FOXO3: variants seen among roughly 807,000 people sequenced by gnomAD.
FOXO3 encodes forkhead box protein O3.
A neutral mutation model predicts 41.9 loss-of-function variants in FOXO3; 4 were observed. The ratio of observed to expected loss-of-function variants is 0.10; its 90% CI spans 0.05 to 0.22. The LOEUF (loss-of-function observed/expected upper bound fraction) is 0.22, where lower values mean the gene tolerates loss of function less well. Ranked by LOEUF, FOXO3 falls within the 10% of genes least tolerant of loss-of-function variation. The pLI, the probability that FOXO3 is intolerant of heterozygous loss-of-function variation, is 1.00. For missense variants in FOXO3, 534 were observed against 906.8 expected (o/e 0.59, Z 5.28); for synonymous variants, 318 against 389.3 (o/e 0.82, Z 2.16).
intron 1 of FOXO3, among the ~76,000 whole-genome samples, chr6:108,617,659 A>C (rs1257896767): frequency 6.6e-6 from 1 of 152,218 alleles, no homozygotes; most frequent in African/African-American, 2.4e-5. Flanking sequence ...TTGTTAAAAC[A>C]GAGCAAAATA....
intron 1 of FOXO3, among the ~76,000 whole-genome samples, chr6:108,605,263 C>T (rs538137303): frequency 1.1e-4 from 16 of 152,096 alleles, no homozygotes; most frequent in Admixed American, 3.3e-4. Context: ...GAACTACAGA[C>T]GCCCACCACC....
chr6:108,632,254 T>A (rs1582797372), intron 1 of FOXO3, among the ~76,000 whole-genome samples: 2 of 152,188 alleles, frequency 1.3e-5, no homozygotes, highest in East Asian at 3.8e-4. Context: ...GCCTTAAATT[T>A]GTTTTTGGAA....
intron 1 of FOXO3, among the ~76,000 whole-genome samples, chr6:108,622,296 G>A (rs1777693030): frequency 6.7e-6 from 1 of 149,206 alleles, no homozygotes; most frequent in Admixed American, 6.7e-5. Flanking sequence ...GGATATCTGA[G>A]ACTTAAGTTC....
intron 2 of FOXO3, 57 bp downstream of exon 2, chr6:108,664,946 T>G: frequency 1.9e-5 from 27 of 1,451,386 alleles, no homozygotes; most frequent in Non-Finnish European, 2.3e-5. Context: ...GGGGGATCTC[T>G]GGGGGAGCCT....
At chr6:108,574,157 A>T (rs923614428) in intron 1 of FOXO3, among the ~76,000 whole-genome samples, 12 of 151,390 alleles carry the variant, frequency 7.9e-5, no homozygotes, top group Admixed American at 7.2e-4. Flanking sequence ...TGTCTCAAAA[A>T]AAAAAAAAAA....
intron 1 of FOXO3, chr6:108,656,603 T>G (rs1163662583): frequency 7.2e-6 from 5 of 691,404 alleles, no homozygotes. Flanking sequence ...GAGCTGCTTT[T>G]GTACTTGGCA....
rs765294582 is a variant in FOXO3, at chr6:108,664,901, A to C, written c.*34+12A>C. ...AGTGGGCAAAGCAGGTCAGTGCCGA[A>C]TGCTATGGCATAAAAATAACAATAT... On this transcript the variant is annotated intron_variant, in intron 2 of 2. Transcript: ENST00000406360. 6.3e-7 allele frequency: 1 copy of C among 1,583,588 alleles called. No individual in the cohort carries two copies. The highest frequency in any genetic ancestry group is 2.2e-5 in the East Asian group (1 of 44,638).
At chr6:108,580,183 A>ATTTTTTTTTTTTTTTT (rs11395032) in intron 1 of FOXO3, among the ~76,000 whole-genome samples, 1 of 93,072 alleles carries the variant, frequency 1.1e-5, no homozygotes, top group Non-Finnish European at 1.9e-5. Flanking sequence ...GCTCTTCTTC[A>ATTTTTTTTTTTTTTTT]TTTTTTTTTT....
intron 2 of FOXO3, among the ~76,000 whole-genome samples, chr6:108,665,096 C>T (rs1441105363): frequency 6.6e-6 from 1 of 152,206 alleles, no homozygotes; most frequent in Non-Finnish European, 1.5e-5. Flanking sequence ...TTCCCCCGCA[C>T]AGTTTGCTGA....
intron 1 of FOXO3, among the ~76,000 whole-genome samples, chr6:108,588,971 G>C (rs1002483979): frequency 1.3e-5 from 2 of 152,170 alleles, no homozygotes; most frequent in African/African-American, 4.8e-5. Context: ...TATTTATTAG[G>C]TAAGCATGGG....
intron 1 of FOXO3, among the ~76,000 whole-genome samples, chr6:108,655,471 AT>A (rs1778657914): frequency 6.6e-6 from 1 of 152,178 alleles, no homozygotes; most frequent in Non-Finnish European, 1.5e-5. Context: ...GTCAATGGAA[AT>A]ATAAGGAGGA....
chr6:108,606,074 G>A (rs545669695), intron 1 of FOXO3, among the ~76,000 whole-genome samples: 2 of 152,248 alleles, frequency 1.3e-5, no homozygotes, highest in South Asian at 2.1e-4. Context: ...ACTTTGGTGC[G>A]AAACAGAACA....
intron 1 of FOXO3, among the ~76,000 whole-genome samples, chr6:108,584,552 C>T (rs937268035): frequency 1.3e-5 from 2 of 152,142 alleles, no homozygotes; most frequent in African/African-American, 2.4e-5. Flanking sequence ...ACTGAGTCTG[C>T]TTTTTGTAAA....
chr6:108,560,849 G>T (rs1307830745), upstream of FOXO3: 2 of 653,638 alleles, frequency 3.1e-6, no homozygotes, highest in Non-Finnish European at 4.3e-6. Flanking sequence ...TGGGCGGCGG[G>T]GGGAGGGGGC....
intron 2 of FOXO3, among the ~76,000 whole-genome samples, chr6:108,666,194 C>T (rs1049574432): frequency 1.3e-5 from 2 of 152,086 alleles, no homozygotes; most frequent in African/African-American, 4.8e-5. Context: ...GAATCAAATG[C>T]ACTAAAGCAT....
At chr6:108,656,283 T>C in intron 1 of FOXO3, 1 of 709,052 alleles carries the variant, frequency 1.4e-6, no homozygotes, top group Non-Finnish European at 1.7e-6. Context: ...TGATACCACA[T>C]GTTGCTTCCA....
intron 1 of FOXO3, among the ~76,000 whole-genome samples, chr6:108,617,172 CTCT>C (rs1412668537): frequency 1.5e-4 from 23 of 152,150 alleles, no homozygotes; most frequent in African/African-American, 5.3e-4. Context: ...CATGTGGTAA[CTCT>C]CTTTAACCTT....
chr6:108,656,848 A>G (rs1199795424), intron 1 of FOXO3, among the ~76,000 whole-genome samples: 1 of 152,236 alleles, frequency 6.6e-6, no homozygotes, highest in Admixed American at 6.5e-5. Context: ...AGTATTAGCA[A>G]TAATTGTATC....
In FOXO3 at chr6:108,561,079, T is replaced by G; in HGVS notation, c.-130T>G. The G allele has an allele frequency of 7.0e-7, 1 of 1,428,354 alleles. No homozygotes were observed. The highest frequency in any genetic ancestry group is 3.0e-5 in the East Asian group (1 of 33,318). 88.5% of individuals were successfully genotyped at this position (1,428,354 alleles called of 1,614,324 possible). A position where few individuals can be genotyped will look rare whatever the true frequency, so the allele number is the denominator to read the frequency against. On this transcript the variant is annotated 5_prime_UTR_variant, in exon 1 of 3. Transcript: ENST00000406360. ...CTCTCCTTCTCTCTTCTTTGGTGCT[T>G]CCCCAGGCGGCGGCGGCGGCGCCCG...
Sources: gnomAD v4.1 joint callset for allele counts (sites outside exome capture counted in the v4.1 genomes callset) on GRCh38, gnomAD v4.1.1 for gene constraint, MANE v1.5 for transcripts, NCBI Gene and HGNC (gene_info 2026-07-23, HGNC 2026-07-21) for gene names.